DRC11: variants seen among roughly 807,000 people sequenced by gnomAD.
DRC11 encodes the protein IQ and AAA domain-containing protein 1.
At chr2:236,321,384 A>T in the DRC11 span, among the ~76,000 whole-genome samples, 1 of 152,186 alleles carries the variant, frequency 6.6e-6, no homozygotes, top group African/African-American at 2.4e-5. Flanking sequence ...ATTAAGCAAA[A>T]AGAGCAAGAA....
the DRC11 span, among the ~76,000 whole-genome samples, chr2:236,352,785 G>A: frequency 2.0e-4 from 31 of 152,196 alleles, 1 homozygote; most frequent in African/African-American, 7.0e-4. This position sits in a 1 kb window ranked among gnomAD's most constrained non-coding sequence, Gnocchi z 7.0. Flanking sequence ...CCAGCATTAC[G>A]GTTCTAATTA....
chr2:236,420,949 T>C, the DRC11 span, among the ~76,000 whole-genome samples: 1 of 152,246 alleles, frequency 6.6e-6, no homozygotes, highest in Non-Finnish European at 1.5e-5. The surrounding 1 kb of genome is among the most constrained non-coding windows in gnomAD (Gnocchi z 4.8). Flanking sequence ...TTCTGCTTTC[T>C]CTTGTGGGCA....
the DRC11 span, among the ~76,000 whole-genome samples, chr2:236,415,332 C>T: frequency 1.1e-4 from 17 of 152,294 alleles, no homozygotes; most frequent in Non-Finnish European, 2.1e-4. The surrounding 1 kb of genome is among the most constrained non-coding windows in gnomAD (Gnocchi z 5.7). Context: ...AGCGTCCAGA[C>T]AAGTTAGACA....
the DRC11 span, among the ~76,000 whole-genome samples, chr2:236,370,192 G>C: frequency 6.6e-6 from 1 of 152,160 alleles, no homozygotes; most frequent in South Asian, 2.1e-4. This position sits in a 1 kb window ranked among gnomAD's most constrained non-coding sequence, Gnocchi z 5.5. Flanking sequence ...AAGCAGAGAG[G>C]GAGGTGATGG....
the DRC11 span, chr2:236,363,940 G>A: frequency 2.5e-6 from 4 of 1,613,984 alleles, no homozygotes; most frequent in East Asian, 2.2e-5. This position sits in a 1 kb window ranked among gnomAD's most constrained non-coding sequence, Gnocchi z 5.6. Flanking sequence ...TAACAGTAGC[G>A]ATTTCACCAA....
chr2:236,377,685 G>A, the DRC11 span, among the ~76,000 whole-genome samples: 1 of 152,178 alleles, frequency 6.6e-6, no homozygotes, highest in Non-Finnish European at 1.5e-5. This position sits in a 1 kb window ranked among gnomAD's most constrained non-coding sequence, Gnocchi z 4.9. Context: ...TTCTTATATG[G>A]AAGATAAAAC....
At chr2:236,320,047 A>G in the DRC11 span, among the ~76,000 whole-genome samples, 1 of 152,242 alleles carries the variant, frequency 6.6e-6, no homozygotes, top group Non-Finnish European at 1.5e-5. Context: ...GTGCTCGGTG[A>G]AAGATTTGTA....
At chr2:236,485,842 C>G in the DRC11 span, among the ~76,000 whole-genome samples, 1 of 152,164 alleles carries the variant, frequency 6.6e-6, no homozygotes, top group Non-Finnish European at 1.5e-5. Context: ...GAGGAGTCAG[C>G]CTTCCTCAGA....
chr2:236,500,457 A>C, the DRC11 span, among the ~76,000 whole-genome samples: 1 of 151,316 alleles, frequency 6.6e-6, no homozygotes, highest in South Asian at 2.1e-4. The surrounding 1 kb of genome is among the most constrained non-coding windows in gnomAD (Gnocchi z 6.3). Flanking sequence ...AAAAACCAAC[A>C]CTCTTCCCCC....
chr2:236,471,300 C>A, the DRC11 span, among the ~76,000 whole-genome samples: 1 of 151,776 alleles, frequency 6.6e-6, no homozygotes, highest in South Asian at 2.1e-4. The surrounding 1 kb of genome is among the most constrained non-coding windows in gnomAD (Gnocchi z 4.6). Context: ...AAAAAAAACA[C>A]TTTTGGGTAC....
chr2:236,388,455 G>A, the DRC11 span, among the ~76,000 whole-genome samples: 3 of 151,510 alleles, frequency 2.0e-5, no homozygotes, highest in Admixed American at 1.3e-4. Context: ...TGATCGCATC[G>A]GCTCCTGAGG....
At chr2:236,420,095 T>C in the DRC11 span, among the ~76,000 whole-genome samples, 54 of 152,306 alleles carry the variant, frequency 3.5e-4, no homozygotes, top group South Asian at 0.011. This position sits in a 1 kb window ranked among gnomAD's most constrained non-coding sequence, Gnocchi z 4.8. Context: ...TACATAGCAC[T>C]TAGGATCCGC....
chr2:236,361,187 C>T, the DRC11 span, among the ~76,000 whole-genome samples: 2 of 151,902 alleles, frequency 1.3e-5, no homozygotes, highest in African/African-American at 2.4e-5. The surrounding 1 kb of genome is among the most constrained non-coding windows in gnomAD (Gnocchi z 5.7). Flanking sequence ...GAAATGAAAA[C>T]GAGTAATAAG....
chr2:236,379,117 C>T, the DRC11 span, among the ~76,000 whole-genome samples: 1 of 150,282 alleles, frequency 6.7e-6, no homozygotes, highest in African/African-American at 2.5e-5. Context: ...CCCTCCTCTT[C>T]CCCCCGCAGA....
chr2:236,440,866 C>G, the DRC11 span, among the ~76,000 whole-genome samples: 1 of 152,114 alleles, frequency 6.6e-6, no homozygotes, highest in Non-Finnish European at 1.5e-5. Flanking sequence ...AAAAAATGAA[C>G]TCATTTTGAA....
chr2:236,503,829 C>T, the DRC11 span: 1 of 794,604 alleles, frequency 1.3e-6, no homozygotes, highest in Non-Finnish European at 2.1e-6. This position sits in a 1 kb window ranked among gnomAD's most constrained non-coding sequence, Gnocchi z 4.9. Context: ...TTGCGCTCAG[C>T]CCATCTGGCC....
chr2:236,469,021 G>A, the DRC11 span, among the ~76,000 whole-genome samples: 6 of 152,070 alleles, frequency 3.9e-5, no homozygotes, highest in Admixed American at 3.9e-4. This position sits in a 1 kb window ranked among gnomAD's most constrained non-coding sequence, Gnocchi z 5.8. Context: ...TTTGATTTGT[G>A]TCTTGTCAAC....
At chr2:236,488,195 C>T in the DRC11 span, 2 of 1,561,694 alleles carry the variant, frequency 1.3e-6, no homozygotes, top group Admixed American at 2.0e-5. Flanking sequence ...GGTATTTCTG[C>T]AAAAAACAGT....
chr2:236,356,932 TTATA>T, the DRC11 span, among the ~76,000 whole-genome samples: 2 of 142,104 alleles, frequency 1.4e-5, no homozygotes, highest in Non-Finnish European at 3.0e-5. Flanking sequence ...TCATATATAT[TTATA>T]TATTATATAT....
Sources: gnomAD v4.1 joint callset for allele counts (sites outside exome capture counted in the v4.1 genomes callset) on GRCh38, gnomAD v4.1.1 for gene constraint, Gnocchi (gnomAD v3.1) non-coding constraint, MANE v1.5 for transcripts, NCBI Gene and HGNC (gene_info 2026-07-23, HGNC 2026-07-21) for gene names.